The following MDN1 variants were observed in gnomAD, a reference collection of about 807,000 sequenced individuals.
MDN1 encodes the protein midasin.
A neutral mutation model predicts 669.2 loss-of-function variants in MDN1; 266 were observed. That is an observed-to-expected ratio of 0.40 (90% CI 0.36 to 0.44). The LOEUF (loss-of-function observed/expected upper bound fraction) is 0.44, where lower values mean the gene tolerates loss of function less well. Among genes scored for constraint, MDN1 ranks in the 20% least tolerant of loss-of-function variants. The pLI is 1.00. For missense variants in MDN1, 5,940 were observed against 6,754.0 expected (o/e 0.88, Z 4.22); for synonymous variants, 2,385 against 2,457.1 (o/e 0.97, Z 0.87).
chr6:89,719,044 C>A lies in MDN1; in HGVS notation c.6058-14G>T, dbSNP rs780761719. 1.2e-6 allele frequency: 2 copies of A among 1,613,738 alleles called. No individual in the cohort carries two copies. The highest frequency in any genetic ancestry group is 1.7e-6 in the Non-Finnish European group (2 of 1,179,812). On this transcript the variant is annotated splice_polypyrimidine_tract_variant and intron_variant, in intron 41 of 101. Coordinates refer to ENST00000369393, the MANE Select transcript of MDN1 (RefSeq NM_014611.3). ...TGAGTAGCCCAACTGAAAAGACATG[C>A]CAGTGAGATTTCCATAAGCGTGCCT...
At chr6:89,663,663 G>A (rs941248213) in intron 85 of MDN1, among the ~76,000 whole-genome samples, 5 of 152,086 alleles carry the variant, frequency 3.3e-5, no homozygotes, top group African/African-American at 7.2e-5. Flanking sequence ...GGCCCAGTGC[G>A]GTGGCTCACG....
chr6:89,681,362 T>A (rs1269097328), intron 73 of MDN1, among the ~76,000 whole-genome samples: 1 of 152,098 alleles, frequency 6.6e-6, no homozygotes, highest in Non-Finnish European at 1.5e-5. Context: ...TTAATAGAGA[T>A]GGGGTTTTAC....
intron 59 of MDN1, among the ~76,000 whole-genome samples, chr6:89,697,337 T>C (rs1190875323): frequency 1.3e-5 from 2 of 152,090 alleles, no homozygotes; most frequent in African/African-American, 4.8e-5. Flanking sequence ...GAGAAAATAA[T>C]GGAAAATAGT....
chr6:89,674,701 G>C, intron 78 of MDN1, 112 bp from the exon 79 acceptor site: 2 of 1,396,950 alleles, frequency 1.4e-6, no homozygotes, highest in South Asian at 3.0e-5. Context: ...TTTTCATACA[G>C]TCAAGAAGGA....
rs770879475 is a variant in MDN1 at position 89,787,881 on chromosome 6, G to A, written c.1307C>T (p.Pro436Leu). 6.2e-7 allele frequency: 1 copy of A among 1,613,466 alleles called. No individual in the cohort carries two copies. The change falls in exon 8 of 102, where the codon CCT becomes CTT. Residue 436 changes from proline to leucine, a missense_variant. Physicochemically the swap from Pro to Leu is moderately conservative, Grantham distance 98. Around this residue, in one of 5 missense-constraint regions of MDN1, gnomAD observed 1,203 missense variants for 1,268.9 expected, o/e 0.95. Coordinates refer to ENST00000369393, the MANE Select transcript of MDN1 (RefSeq NM_014611.3). Reference protein sequence around the residue: ...PGRGDCLKVAPGFQFFATRRL... With the variant: ...PGRGDCLKVALGFQFFATRRL... ...CCTGGTTGCAAAAAACTGAAATCCA[G>A]GTGCCACTTTCAGACAGTCACCTCG... is the stretch of plus-strand genomic sequence containing the variant.
chr6:89,657,450 T>C (rs1045788243), intron 90 of MDN1, among the ~76,000 whole-genome samples: 1 of 152,170 alleles, frequency 6.6e-6, no homozygotes, highest in Non-Finnish European at 1.5e-5. Context: ...TGTGGCCATA[T>C]CAGAACACAT....
intron 43 of MDN1, among the ~76,000 whole-genome samples, chr6:89,717,524 T>A (rs956656246): frequency 1.3e-5 from 2 of 152,192 alleles, no homozygotes; most frequent in Non-Finnish European, 2.9e-5. Context: ...AGTACATATA[T>A]TCAGTATAGT....
chr6:89,652,550 A>T (rs2128298849), intron 94 of MDN1, among the ~76,000 whole-genome samples: 1 of 152,374 alleles, frequency 6.6e-6, no homozygotes, highest in South Asian at 2.1e-4. Flanking sequence ...CCCTTAAGTC[A>T]TCAATAATGA....
chr6:89,816,172 G>A (rs1182881931), intron 1 of MDN1, among the ~76,000 whole-genome samples: 1 of 152,160 alleles, frequency 6.6e-6, no homozygotes, highest in Non-Finnish European at 1.5e-5. Context: ...GGCCGACGCG[G>A]GTGGATCACC....
intron 1 of MDN1, among the ~76,000 whole-genome samples, chr6:89,812,286 G>GA (rs1562245116): frequency 6.6e-6 from 1 of 152,008 alleles, no homozygotes; most frequent in East Asian, 2.0e-4. Context: ...GCCCAGCCAA[G>GA]AAAAAACATT....
intron 97 of MDN1, 64 bp from the exon 98 acceptor site, chr6:89,648,393 T>G: frequency 6.8e-7 from 1 of 1,476,826 alleles, no homozygotes; most frequent in Non-Finnish European, 9.4e-7. Flanking sequence ...GCCTCTCAAC[T>G]ATTTTTTGCA....
rs963774393 is a variant in MDN1, at chr6:89,762,547, T to G, written c.2145-17A>C. On this transcript the variant is annotated splice_polypyrimidine_tract_variant and intron_variant, in intron 15 of 101. Transcript: ENST00000369393. ...GGTTTATAACTGAAACAGACACAGGTAAATGTGATTCACAAACTTCTGAAG... is the reference window on the plus strand; with the variant it reads ...GGTTTATAACTGAAACAGACACAGGGAAATGTGATTCACAAACTTCTGAAG... 6.4e-7 allele frequency: 1 copy of G among 1,569,558 alleles called. No individual in the cohort carries two copies. Among genetic ancestry groups the G allele is most frequent in the Non-Finnish European group, 8.7e-7 (1 of 1,148,056 alleles).
intron 5 of MDN1, among the ~76,000 whole-genome samples, chr6:89,792,508 G>T (rs975425298): frequency 7.2e-5 from 11 of 151,960 alleles, no homozygotes; most frequent in African/African-American, 2.7e-4. Flanking sequence ...CAGGATACGT[G>T]GGGGGTAAAG....
chr6:89,668,199 T>C (rs755048783), intron 83 of MDN1, 48 bp from the exon 84 acceptor site: 2 of 1,604,028 alleles, frequency 1.2e-6, no homozygotes, highest in East Asian at 2.2e-5. Flanking sequence ...AAAAGCAATT[T>C]TAAAAGGAGA....
chr6:89,746,598 A>C (rs938650848), intron 27 of MDN1, among the ~76,000 whole-genome samples: 1 of 46,316 alleles, frequency 2.2e-5, no homozygotes, highest in Admixed American at 2.4e-4. Context: ...TATCTCAAAA[A>C]AAAAAAAAAA....
At chr6:89,743,995 T>C (rs1314493602) in intron 29 of MDN1, among the ~76,000 whole-genome samples, 2 of 151,006 alleles carry the variant, frequency 1.3e-5, no homozygotes, top group Admixed American at 1.3e-4. Flanking sequence ...CCTAGCACTT[T>C]GGGAGGCTGA....
intron 15 of MDN1, among the ~76,000 whole-genome samples, chr6:89,764,009 G>T (rs1022956767): frequency 6.6e-6 from 1 of 152,172 alleles, no homozygotes; most frequent in Admixed American, 6.5e-5. Context: ...GAAGCCAGGA[G>T]GTTGAGACCA....
rs762542255 is a variant in MDN1 at position 89,758,248 on chromosome 6, C to A, written c.2702+7G>T. The A allele has an allele frequency of 1.2e-6, 2 of 1,600,568 alleles. No homozygotes were observed. Among genetic ancestry groups the A allele is most frequent in the Non-Finnish European group, 1.7e-6 (2 of 1,170,764 alleles). On this transcript the variant is annotated splice_region_variant and intron_variant, in intron 19 of 101. Coordinates refer to ENST00000369393, the MANE Select transcript of MDN1 (RefSeq NM_014611.3). ...AAAAGGAAAGTCTCCAAGAACCAAA[C>A]CCTCACCTGTTTCTTATTCCTGGTG...
intron 40 of MDN1, among the ~76,000 whole-genome samples, chr6:89,719,563 T>C (rs1222475995): frequency 6.6e-6 from 1 of 152,184 alleles, no homozygotes; most frequent in Non-Finnish European, 1.5e-5. Flanking sequence ...TTGAAGATAC[T>C]ACCTAAAAAG....
Sources: allele counts gnomAD v4.1 joint callset (sites outside exome capture counted in the v4.1 genomes callset), GRCh38; gene constraint gnomAD v4.1.1; regional missense constraint gnomAD v4.1.1; transcripts MANE v1.5; gene names NCBI Gene and HGNC (gene_info 2026-07-23, HGNC 2026-07-21).